Variants in CRADD observed in about 807,000 individuals in gnomAD.
CRADD encodes the protein death domain-containing protein CRADD.
Under a neutral mutation model 15.5 loss-of-function variants are expected in CRADD, and 9 were observed. The observed-to-expected ratio is 0.58, with a 90% CI of 0.35 to 1.01. The LOEUF (loss-of-function observed/expected upper bound fraction) is 1.01, where lower values mean the gene tolerates loss of function less well. CRADD is among the 50% of genes least tolerant of loss of function. The pLI is 0.02. For missense variants in CRADD, 227 were observed against 250.3 expected, an observed-to-expected ratio of 0.91 and a Z score of 0.63; for synonymous variants, 118 against 107.6, an observed-to-expected ratio of 1.10 and a Z score of -0.60.
At chr12:93,697,596 TAA>T (rs1565876292) in intron 2 of CRADD, among the ~76,000 whole-genome samples, 1 of 112,728 alleles carries the variant, frequency 8.9e-6, no homozygotes, top group East Asian at 2.3e-4. Flanking sequence ...GTTAAAATAA[TAA>T]GTTAAATAAG....
intron 2 of CRADD, among the ~76,000 whole-genome samples, chr12:93,848,121 T>A (rs1958154213): frequency 6.6e-6 from 1 of 152,114 alleles, no homozygotes; most frequent in African/African-American, 2.4e-5. Flanking sequence ...GATGATTTCT[T>A]TTCTTCTTTG....
chr12:93,774,096 G>T (rs1957117046), intron 2 of CRADD, among the ~76,000 whole-genome samples: 1 of 150,516 alleles, frequency 6.6e-6, no homozygotes, highest in Non-Finnish European at 1.5e-5. Flanking sequence ...TCAGCCTCCT[G>T]AAGTGCTAGG....
chr12:93,833,484 A>G (rs1957933538), intron 2 of CRADD, among the ~76,000 whole-genome samples: 1 of 152,106 alleles, frequency 6.6e-6, no homozygotes, highest in Admixed American at 6.5e-5. Context: ...GACCACAGGC[A>G]TGCACTACCA....
chr12:93,849,212 A>G (rs1232523335), intron 2 of CRADD: 2 of 152,214 alleles, frequency 1.3e-5, no homozygotes, highest in South Asian at 2.1e-4. Flanking sequence ...CCCCATCACT[A>G]AGGCCACAGA....
chr12:93,885,793 C>G (rs1055102352), intron 2 of CRADD, among the ~76,000 whole-genome samples: 4 of 152,132 alleles, frequency 2.6e-5, no homozygotes, highest in African/African-American at 7.2e-5. Flanking sequence ...AATCCCAGCA[C>G]TTTGGGAGGC....
intron 2 of CRADD, among the ~76,000 whole-genome samples, chr12:93,687,409 G>A (rs990066858): frequency 6.6e-6 from 1 of 152,156 alleles, no homozygotes; most frequent in Non-Finnish European, 1.5e-5. Flanking sequence ...CACCTGGGGA[G>A]CTTTTACAAA....
intron 2 of CRADD, among the ~76,000 whole-genome samples, chr12:93,731,311 C>T (rs1956460617): frequency 6.6e-6 from 1 of 152,140 alleles, no homozygotes; most frequent in Non-Finnish European, 1.5e-5. Flanking sequence ...GATAGAACAT[C>T]TCAACTTGAA....
chr12:93,802,436 TA>T (rs1041053386), intron 2 of CRADD, among the ~76,000 whole-genome samples: 1 of 152,224 alleles, frequency 6.6e-6, no homozygotes, highest in Admixed American at 6.5e-5. Flanking sequence ...GCCATCATCA[TA>T]TCAGTGTGAA....
chr12:93,841,790 A>G (rs188346304), intron 2 of CRADD, among the ~76,000 whole-genome samples: 1 of 152,298 alleles, frequency 6.6e-6, no homozygotes, highest in East Asian at 1.9e-4. Context: ...CCTGTCTTCT[A>G]AAAAGCGGCT....
At chr12:93,793,287 A>G (rs1266988319) in intron 2 of CRADD, among the ~76,000 whole-genome samples, 1 of 152,142 alleles carries the variant, frequency 6.6e-6, no homozygotes, top group East Asian at 1.9e-4. Flanking sequence ...AGTAATCCTA[A>G]ATAACTTACT....
intron 2 of CRADD, among the ~76,000 whole-genome samples, chr12:93,849,635 G>A (rs778668195): frequency 6.6e-6 from 1 of 151,910 alleles, no homozygotes; most frequent in Non-Finnish European, 1.5e-5. Flanking sequence ...CAGCTACTTG[G>A]GAGGCTGAAA....
At chr12:93,723,980 T>C (rs1042821823) in intron 2 of CRADD, among the ~76,000 whole-genome samples, 2 of 152,188 alleles carry the variant, frequency 1.3e-5, no homozygotes, top group Non-Finnish European at 2.9e-5. Flanking sequence ...AGGTAGCTTC[T>C]CCTGAGGACA....
At position 93,776,335 on chromosome 12, in the gene CRADD, G is replaced by C. The variant is rs931065988; in HGVS notation, c.299-73635G>C. Among the ~76,000 whole-genome samples the C allele has an allele frequency of 1.2e-4, 18 of 152,308 alleles. 2 individuals carry two copies. Among genetic ancestry groups the C allele is most frequent in the Admixed American group, 1.0e-3 (16 of 15,302 alleles). ...CTGCAAACTTGTAAAGGGGTTATTT[G>C]TAGGGGACTTGCAATGGAATTTCTA... On this transcript the variant is annotated intron_variant, in intron 2 of 2. Coordinates refer to ENST00000332896, the MANE Select transcript of CRADD (RefSeq NM_003805.5).
chr12:93,812,996 G>A (rs551894127), intron 2 of CRADD, among the ~76,000 whole-genome samples: 130 of 152,192 alleles, frequency 8.5e-4, no homozygotes, highest in African/African-American at 3.1e-3. Context: ...TCAATTTTTT[G>A]TATGGTTCAA....
intron 2 of CRADD, among the ~76,000 whole-genome samples, chr12:93,841,651 C>G (rs1958048628): frequency 1.3e-5 from 2 of 152,200 alleles, no homozygotes; most frequent in African/African-American, 4.8e-5. Flanking sequence ...ACTCCTCCTA[C>G]CCCGTGGGAA....
At chr12:93,750,948 G>A (rs1052361591) in intron 2 of CRADD, among the ~76,000 whole-genome samples, 4 of 152,152 alleles carry the variant, frequency 2.6e-5, no homozygotes, top group African/African-American at 9.7e-5. Context: ...CTCTGTCTTT[G>A]TAGAAGTTCG....
At chr12:93,750,467 C>G (rs1029173199) in intron 2 of CRADD, among the ~76,000 whole-genome samples, 2 of 151,922 alleles carry the variant, frequency 1.3e-5, no homozygotes, top group Non-Finnish European at 2.9e-5. Flanking sequence ...AAAGATAACT[C>G]TAAAGGTTTT....
chr12:93,825,098 C>T (rs899447146), intron 2 of CRADD, among the ~76,000 whole-genome samples: 1 of 152,218 alleles, frequency 6.6e-6, no homozygotes, highest in African/African-American at 2.4e-5. Flanking sequence ...TAAGGGAGCA[C>T]TCTTCTCTGT....
At position 93,697,960 on chromosome 12, in the gene CRADD, C is replaced by G. The variant is rs139114127; in HGVS notation, c.298+18888C>G. On this transcript the variant is annotated intron_variant, in intron 2 of 2. Transcript: ENST00000332896. ...GTAAACTTTGCTAGGGCTAGGTGTT[C>G]CTGTTCTCTCTGTGATCTGCATCTT... Among the ~76,000 whole-genome samples the G allele has an allele frequency of 2.8e-4, 42 of 152,228 alleles. No individual in the cohort carries two copies. In the East Asian group the frequency reaches 7.7e-3, roughly 28 times the overall value.
Sources: gnomAD v4.1 joint callset for allele counts (sites outside exome capture counted in the v4.1 genomes callset) on GRCh38, gnomAD v4.1.1 for gene constraint, MANE v1.5 for transcripts, NCBI Gene and HGNC (gene_info 2026-07-23, HGNC 2026-07-21) for gene names.